LRP6: variants seen among roughly 807,000 people sequenced by gnomAD.
LRP6 encodes low-density lipoprotein receptor-related protein 6.
LRP6 carries 43 observed loss-of-function variants against 184.1 expected under a neutral mutation model. The observed-to-expected ratio is 0.23, with a 90% CI of 0.18 to 0.30. The LOEUF (loss-of-function observed/expected upper bound fraction) is 0.30. Among genes scored for constraint, LRP6 ranks in the 10% least tolerant of loss-of-function variants. The probability of loss-of-function intolerance (pLI) is 1.00; values close to 1 mark genes in which losing one functional copy is unlikely to be tolerated. For synonymous variants in LRP6, 719 were observed against 684.9 expected, an observed-to-expected ratio of 1.05 and a Z score of -0.78; for missense variants, 1,571 against 2,005.3, an observed-to-expected ratio of 0.78 and a Z score of 4.14.
chr12:12,223,853 C>CA (rs1214952207), intron 2 of LRP6, among the ~76,000 whole-genome samples: 2 of 152,140 alleles, frequency 1.3e-5, no homozygotes, highest in African/African-American at 4.8e-5. Flanking sequence ...TCCATTCCAA[C>CA]AGTGAGAAAT....
intron 2 of LRP6, among the ~76,000 whole-genome samples, chr12:12,215,991 G>A (rs1023198289): frequency 9.9e-5 from 15 of 152,020 alleles, no homozygotes; most frequent in Non-Finnish European, 1.5e-4. Context: ...TAGCCTGGGC[G>A]ACAAGAGGGA....
At chr12:12,142,829 G>T (rs900411910) in intron 15 of LRP6, among the ~76,000 whole-genome samples, 3 of 152,046 alleles carry the variant, frequency 2.0e-5, no homozygotes, top group Admixed American at 2.0e-4. Context: ...TTTGACAAAG[G>T]TTATCTACAG....
At chr12:12,138,829 A>T in intron 15 of LRP6, 1 of 1,405,174 alleles carries the variant, frequency 7.1e-7, no homozygotes, top group South Asian at 1.1e-5. Context: ...ACTTATATAT[A>T]CAACAGATAA....
At chr12:12,216,667 AAAAG>A (rs889366092) in intron 2 of LRP6, among the ~76,000 whole-genome samples, 5 of 151,556 alleles carry the variant, frequency 3.3e-5, no homozygotes, top group Non-Finnish European at 5.9e-5. Flanking sequence ...AAAAAAAAAA[AAAAG>A]AAAAGAAAAG....
At chr12:12,250,475 G>T (rs73057428) in intron 1 of LRP6, among the ~76,000 whole-genome samples, 56 of 148,370 alleles carry the variant, frequency 3.8e-4, no homozygotes, top group Non-Finnish European at 7.2e-4. Context: ...GTACTTACAT[G>T]ATATTAGCTT....
intron 2 of LRP6, among the ~76,000 whole-genome samples, chr12:12,211,552 T>C (rs1367617259): frequency 6.6e-6 from 1 of 152,198 alleles, no homozygotes; most frequent in Non-Finnish European, 1.5e-5. Context: ...TTTCCTTCCG[T>C]ATCCAGAGTA....
At chr12:12,191,596 G>T (rs906553965) in intron 3 of LRP6, among the ~76,000 whole-genome samples, 1 of 152,004 alleles carries the variant, frequency 6.6e-6, no homozygotes, top group African/African-American at 2.4e-5. Context: ...CATTCCTACA[G>T]ACAATAAAAA....
chr12:12,232,425 C>G (rs1365402767), intron 2 of LRP6, among the ~76,000 whole-genome samples: 1 of 151,696 alleles, frequency 6.6e-6, no homozygotes, highest in Non-Finnish European at 1.5e-5. Context: ...GGAAACACTT[C>G]CAGTGAACTT....
chr12:12,251,183 T>G lies in LRP6; in HGVS notation c.56-6528A>C, dbSNP rs868087663. ...GCTGACCTCAAGTGATTCGCCCACCTCGGCCTCCGAAGTGCTGGGATTACA... is the reference window on the plus strand; with the variant it reads ...GCTGACCTCAAGTGATTCGCCCACCGCGGCCTCCGAAGTGCTGGGATTACA... On this transcript the variant is annotated intron_variant, in intron 1 of 22. Coordinates refer to ENST00000261349, the MANE Select transcript of LRP6 (RefSeq NM_002336.3). Among the ~76,000 whole-genome samples, 19 of 152,210 alleles carry G rather than the reference T, an allele frequency of 1.2e-4. No homozygotes were observed. In the South Asian group the frequency reaches 1.5e-3, roughly 12 times the overall value.
intron 1 of LRP6, among the ~76,000 whole-genome samples, chr12:12,252,838 TAC>T (rs1479118457): frequency 1.3e-5 from 2 of 152,240 alleles, no homozygotes; most frequent in Non-Finnish European, 2.9e-5. Flanking sequence ...TATACATATA[TAC>T]ATTCTTGATA....
In LRP6 at chr12:12,264,852, A is replaced by G. The variant is rs181881266; in HGVS notation, c.55+1829T>C. Among the ~76,000 whole-genome samples the G allele has an allele frequency of 2.1e-3, 319 of 152,342 alleles. 1 individual carries two copies. The highest frequency in any genetic ancestry group is 4.7e-3 in the Admixed American group (72 of 15,288). On this transcript the variant is annotated intron_variant, in intron 1 of 22. Transcript: ENST00000261349. ...TCGCCACATTTAAAACGAGAGCTCC[A>G]CTTCTGAAAACTTTGCTAGTGGAAA...
At position 12,218,193 on chromosome 12, in the gene LRP6, C is replaced by A. The variant is rs186114280; in HGVS notation, c.450-14793G>T. On this transcript the variant is annotated intron_variant, in intron 2 of 22. Coordinates refer to ENST00000261349, the MANE Select transcript of LRP6 (RefSeq NM_002336.3). Reference sequence around the variant, plus strand: ...TAGAACTCAATAATAAAAGGACTTACCAGGCATAGTGGTTCATACCTATAG... The same window carrying A: ...TAGAACTCAATAATAAAAGGACTTAACAGGCATAGTGGTTCATACCTATAG... 4.6e-3 allele frequency among the ~76,000 whole-genome samples: 703 copies of A among 152,244 alleles called. 5 individuals are homozygous for A. The highest frequency in any genetic ancestry group is 0.016 in the African/African-American group (670 of 41,542).
intron 19 of LRP6, among the ~76,000 whole-genome samples, chr12:12,129,097 G>A (rs1003359980): frequency 6.6e-6 from 1 of 152,188 alleles, no homozygotes; most frequent in African/African-American, 2.4e-5. Context: ...TATAACATGG[G>A]TAAATATTTA....
chr12:12,229,648 G>T (rs1454644137), intron 2 of LRP6, among the ~76,000 whole-genome samples: 1 of 152,160 alleles, frequency 6.6e-6, no homozygotes, highest in Non-Finnish European at 1.5e-5. Flanking sequence ...AATTCAACTA[G>T]TTGTGTAATA....
chr12:12,220,958 A>G (rs756539413), intron 2 of LRP6, among the ~76,000 whole-genome samples: 6 of 152,218 alleles, frequency 3.9e-5, no homozygotes, highest in Non-Finnish European at 5.9e-5. Context: ...GTTCAGATAA[A>G]GTAACTTCAA....
At chr12:12,254,516 CTT>C (rs1374463942) in intron 1 of LRP6, among the ~76,000 whole-genome samples, 1 of 152,130 alleles carries the variant, frequency 6.6e-6, no homozygotes, top group East Asian at 1.9e-4. Context: ...GAAATAAACA[CTT>C]ATCTTTTTCT....
intron 20 of LRP6, among the ~76,000 whole-genome samples, chr12:12,126,484 C>A (rs1423795610): frequency 6.6e-6 from 1 of 152,178 alleles, no homozygotes; most frequent in Non-Finnish European, 1.5e-5. Flanking sequence ...GCTTTATATG[C>A]TTTGACAATT....
intron 7 of LRP6, among the ~76,000 whole-genome samples, 183 bp from the exon 8 acceptor site, chr12:12,165,478 C>A (rs947184837): frequency 6.6e-6 from 1 of 152,118 alleles, no homozygotes; most frequent in Non-Finnish European, 1.5e-5. Flanking sequence ...ATATAAGCCT[C>A]TATTTGACCA....
At chr12:12,149,582 G>A (rs1008383964) in intron 13 of LRP6, among the ~76,000 whole-genome samples, 2 of 152,152 alleles carry the variant, frequency 1.3e-5, no homozygotes, top group African/African-American at 2.4e-5. Context: ...TTACTGTCAC[G>A]ACTGTGGGAA....
Sources: gnomAD v4.1 joint callset for allele counts (sites outside exome capture counted in the v4.1 genomes callset) on GRCh38, gnomAD v4.1.1 for gene constraint, MANE v1.5 for transcripts, NCBI Gene and HGNC (gene_info 2026-07-23, HGNC 2026-07-21) for gene names.